Variants in CEP250 observed in about 807,000 individuals in gnomAD.
The protein encoded by CEP250 is centrosome-associated protein CEP250.
CEP250 carries 242 observed loss-of-function variants against 315.7 expected under a neutral mutation model. The ratio of observed to expected loss-of-function variants is 0.77; its 90% confidence interval spans 0.69 to 0.85. The LOEUF (loss-of-function observed/expected upper bound fraction) is 0.85. CEP250 is among the 40% of genes least tolerant of loss of function. The probability of loss-of-function intolerance (pLI) is 0.00; values close to 1 mark genes in which losing one functional copy is unlikely to be tolerated. For missense variants in CEP250, 2,515 were observed against 2,886.4 expected (o/e 0.87, Z 2.95); for synonymous variants, 1,088 against 1,175.0 (o/e 0.93, Z 1.51).
intron 33 of CEP250, among the ~76,000 whole-genome samples, 200 bp from the exon 34 acceptor site, chr20:35,509,798 C>T (rs1469268035): frequency 2.0e-5 from 3 of 152,208 alleles, no homozygotes; most frequent in Non-Finnish European, 4.4e-5. Context: ...GTCTCCATGG[C>T]GTTGCCCATT....
At chr20:35,486,948 G>A (rs115798884) in intron 20 of CEP250, among the ~76,000 whole-genome samples, 2,211 of 152,242 alleles carry the variant, frequency 0.015, 41 homozygotes, top group African/African-American at 0.05. Context: ...AGCTACCTAC[G>A]TGGCCTTGGT....
chr20:35,479,690 A>T lies in CEP250; in HGVS notation c.2333A>T (p.Gln778Leu). Residue 778 changes from glutamine (Q) to leucine (L), a missense_variant, in exon 19 of 35, where the codon CAA (glutamine) becomes CTA (leucine). By Grantham distance (113) the Gln-to-Leu change is moderately radical. Transcript: ENST00000397527. ...GAGAGCAGTCTGTTTGAAGCCCAAC[A>T]ACAAAATTCTGTGATAGAGGTCACC... ...LLESSLFEAQ[Q>L]QNSVIEVTKG... 5.6e-6 allele frequency: 9 copies of T among 1,614,156 alleles called. No homozygotes were observed. The highest frequency in any genetic ancestry group is 7.6e-6 in the Non-Finnish European group (9 of 1,180,024).
chr20:35,510,439 C>T (rs1055700435), intron 34 of CEP250, among the ~76,000 whole-genome samples: 2 of 152,032 alleles, frequency 1.3e-5, no homozygotes, highest in Non-Finnish European at 2.9e-5. Flanking sequence ...AGCTCCAGGC[C>T]ACACAGCTCA....
Position 35,467,074 on chromosome 20 carries a change from T to G in CEP250, c.599+2T>G. Reference sequence around the variant, plus strand: ...GGAAATGAAGTCAGCTACTGACAGGTCAGTGTGGGGAGAAGAAGGGAGGAG... The same window carrying G: ...GGAAATGAAGTCAGCTACTGACAGGGCAGTGTGGGGAGAAGAAGGGAGGAG... On this transcript the variant is annotated splice_donor_variant, in intron 8 of 34. Transcript: ENST00000397527. LOFTEE classifies it high-confidence loss of function. 6.2e-7 allele frequency: 1 copy of G among 1,604,622 alleles called. No individual in the cohort carries two copies. The highest frequency in any genetic ancestry group is 8.5e-7 in the Non-Finnish European group (1 of 1,175,232).
chr20:35,486,236 A>C (rs1258035433), intron 20 of CEP250, among the ~76,000 whole-genome samples: 1 of 151,632 alleles, frequency 6.6e-6, no homozygotes, highest in Non-Finnish European at 1.5e-5. Flanking sequence ...GCTGGTCTCG[A>C]ACTCCTGACC....
chr20:35,473,212 A>T (rs544448428), intron 12 of CEP250, among the ~76,000 whole-genome samples, 162 bp from the exon 13 acceptor site: 5 of 152,136 alleles, frequency 3.3e-5, no homozygotes, highest in Non-Finnish European at 7.4e-5. Flanking sequence ...CAGAAGCCCA[A>T]TGACCTCTGA....
rs776317688 is a variant in CEP250 at position 35,502,918 on chromosome 20, C to T, written c.4549C>T (p.Arg1517Trp). 9.3e-6 allele frequency: 15 copies of T among 1,614,030 alleles called. No homozygotes were observed. Among genetic ancestry groups the T allele is most frequent in the South Asian group, 3.3e-5 (3 of 91,088 alleles). The stretch of plus-strand genomic sequence containing the variant: ...GCAGATCAGAGAGCTCGAGAAGGAT[C>T]GGGAGACTCAGAGGAACGTCTTGGA... ...REQIRELEKDRETQRNVLEHQ... is the reference protein window; with the variant it reads ...REQIRELEKDWETQRNVLEHQ... The change falls in exon 30 of 35, where the codon CGG (arginine) becomes TGG (tryptophan). Residue 1517 changes from arginine (R) to tryptophan (W), a missense_variant. Arg to Trp is a moderately radical substitution (Grantham distance 101). Coordinates refer to ENST00000397527, the MANE Select transcript of CEP250 (RefSeq NM_007186.6).
At chr20:35,480,281 G>C in intron 20 of CEP250, 136 bp downstream of exon 20, 1 of 852,834 alleles carries the variant, frequency 1.2e-6, no homozygotes, top group Non-Finnish European at 1.8e-6. Context: ...GCTATTAAAT[G>C]AGTTAATATA....
In CEP250 at chr20:35,514,388, A is replaced by G. The variant is rs1283705290; in HGVS notation, c.*2762A>G. ...CAGAAAACTTTTTTCCCCCTTCCTAATCTTGTCTGCTTTGATAGAAGCTGG... is the reference window on the plus strand; with the variant it reads ...CAGAAAACTTTTTTCCCCCTTCCTAGTCTTGTCTGCTTTGATAGAAGCTGG... On this transcript the variant is annotated 3_prime_UTR_variant, in exon 35 of 35. Transcript: ENST00000397527. 1 of 152,226 alleles carries G rather than the reference A, an allele frequency of 6.6e-6. No homozygotes were observed. Among genetic ancestry groups the G allele is most frequent in the East Asian group, 1.9e-4 (1 of 5,198 alleles). The allele number at this position is 152,226 out of a possible 1,614,324, so 9.4% of individuals were successfully genotyped here.
intron 11 of CEP250, 35 bp from the exon 12 acceptor site, chr20:35,472,638 C>A: frequency 6.2e-7 from 1 of 1,611,102 alleles, no homozygotes; most frequent in South Asian, 1.1e-5. Flanking sequence ...AGGCTTTGGT[C>A]AGTAGGGTGG....
chr20:35,501,723 CCTT>C, intron 28 of CEP250, 119 bp from the exon 29 acceptor site: 1 of 1,126,608 alleles, frequency 8.9e-7, no homozygotes. Context: ...ATAATTTTCT[CCTT>C]CTTGGCCTTC....
chr20:35,469,831 C>T lies in CEP250; in HGVS notation c.852-59C>T, dbSNP rs371920559. 2.0e-5 allele frequency: 24 copies of T among 1,172,634 alleles called. No homozygotes were observed. In the Admixed American group the frequency reaches 2.6e-4, roughly 13 times the overall value. The allele number at this position is 1,172,634 out of a possible 1,614,324, so 72.6% of individuals were successfully genotyped here. ...GGGCTGGGGCTGGGGTGTGCTGCAT[C>T]GTAGCTCTGTCCACATCCATGGGCT... On this transcript the variant is annotated intron_variant, in intron 9 of 34. Coordinates refer to ENST00000397527, the MANE Select transcript of CEP250 (RefSeq NM_007186.6).
intron 1 of CEP250, among the ~76,000 whole-genome samples, chr20:35,457,771 C>CCA (rs1394402645): frequency 6.6e-6 from 1 of 152,086 alleles, no homozygotes; most frequent in Non-Finnish European, 1.5e-5. Context: ...TGCACTACAG[C>CCA]CTGGGTAACA....
chr20:35,506,966 A>G (rs1393264408), intron 30 of CEP250, among the ~76,000 whole-genome samples: 1 of 152,082 alleles, frequency 6.6e-6, no homozygotes, highest in African/African-American at 2.4e-5. Context: ...TATTCACTCA[A>G]TAACATAACT....
At chr20:35,463,903 G>T (rs559079562) in intron 5 of CEP250, among the ~76,000 whole-genome samples, 3 of 152,304 alleles carry the variant, frequency 2.0e-5, no homozygotes, top group South Asian at 2.1e-4. Context: ...CCTCCAGCAG[G>T]TGTCAGTGTT....
rs2064390863 is a variant in CEP250, at chr20:35,513,005, ACCT to A, written c.*1383_*1385del. The A allele has an allele frequency of 6.6e-6, 1 of 152,112 alleles. No individual in the cohort carries two copies. The highest frequency in any genetic ancestry group is 1.5e-5 in the Non-Finnish European group (1 of 68,052). 9.4% of individuals were successfully genotyped at this position (152,112 alleles called of 1,614,324 possible). Reference sequence around the variant, plus strand: ...GTAAGAGCAGCACCCACTCACCCAGACCTCCTAATTTGGGGCTCAGCCCCATTA... The same window carrying A: ...GTAAGAGCAGCACCCACTCACCCAGACCTAATTTGGGGCTCAGCCCCATTA... On this transcript the variant is annotated 3_prime_UTR_variant, in exon 35 of 35. Coordinates refer to ENST00000397527, the MANE Select transcript of CEP250 (RefSeq NM_007186.6).
chr20:35,511,497 G>C lies in CEP250; in HGVS notation c.7200G>C (p.Gln2400His), dbSNP rs1452167809. The C allele has an allele frequency of 6.2e-7, 1 of 1,614,156 alleles. No individual in the cohort carries two copies. The highest frequency in any genetic ancestry group is 8.5e-7 in the Non-Finnish European group (1 of 1,180,022). Residue 2400 changes from glutamine to histidine, a missense_variant, in exon 35 of 35, where the codon CAG becomes CAC. Gln to His is a conservative substitution (Grantham distance 24). Transcript: ENST00000397527. ...SLSHSLLAVAQAPEATVLEAE... is the reference protein window; with the variant it reads ...SLSHSLLAVAHAPEATVLEAE... Reference sequence around the variant, plus strand: ...CACACTCACTTCTTGCCGTGGCCCAGGCCCCTGAGGCCACTGTCCTGGAGG... The same window carrying C: ...CACACTCACTTCTTGCCGTGGCCCACGCCCCTGAGGCCACTGTCCTGGAGG...
rs972300000 is a variant in CEP250 at position 35,511,745 on chromosome 20, C to T, written c.*119C>T. Reference sequence around the variant, plus strand: ...TGTTAGGCACCCAGGAGCCCCAGGTCGGCGGGTGTTCCCAGGAAGAGGAAG... The same window carrying T: ...TGTTAGGCACCCAGGAGCCCCAGGTTGGCGGGTGTTCCCAGGAAGAGGAAG... On this transcript the variant is annotated 3_prime_UTR_variant, in exon 35 of 35. Coordinates refer to ENST00000397527, the MANE Select transcript of CEP250 (RefSeq NM_007186.6). 2.1e-5 allele frequency: 30 copies of T among 1,439,496 alleles called. No individual in the cohort carries two copies. The highest frequency in any genetic ancestry group is 2.5e-5 in the East Asian group (1 of 40,266). 89.2% of individuals were successfully genotyped at this position (1,439,496 alleles called of 1,614,324 possible).
At chr20:35,507,263 A>G (rs1459525811) in intron 30 of CEP250, among the ~76,000 whole-genome samples, 1 of 152,238 alleles carries the variant, frequency 6.6e-6, no homozygotes, top group Non-Finnish European at 1.5e-5. Flanking sequence ...AAAGGGACTT[A>G]ACCTAAGGAC....
Sources: allele counts gnomAD v4.1 joint callset (sites outside exome capture counted in the v4.1 genomes callset), GRCh38; gene constraint gnomAD v4.1.1; transcripts MANE v1.5; gene names NCBI Gene and HGNC (gene_info 2026-07-23, HGNC 2026-07-21).